CSNK2A2: variants seen among roughly 807,000 people sequenced by gnomAD.
CSNK2A2 encodes casein kinase II subunit alpha'.
CSNK2A2 carries 8 observed loss-of-function variants against 54.0 expected under a neutral mutation model. The ratio of observed to expected loss-of-function variants is 0.15; its 90% CI spans 0.09 to 0.27. The LOEUF (loss-of-function observed/expected upper bound fraction) is 0.27. Among genes scored for constraint, CSNK2A2 ranks in the 10% least tolerant of loss-of-function variants. The pLI is 1.00. For missense variants in CSNK2A2, 242 were observed against 439.4 expected (o/e 0.55, Z 4.02); for synonymous variants, 141 against 153.9 (o/e 0.92, Z 0.62).
Position 58,197,492 on chromosome 16 carries a change from T to A in CSNK2A2, c.104+141A>T. 1 of 465,020 alleles carries A rather than the reference T, an allele frequency of 2.2e-6. No individual in the cohort carries two copies. Among genetic ancestry groups the A allele is most frequent in the South Asian group, 2.4e-5 (1 of 42,014 alleles). 28.8% of individuals were successfully genotyped at this position (465,020 alleles called of 1,614,324 possible). The stretch of plus-strand genomic sequence containing the variant: ...GAGGGAAGAGGAAGACGAGGACATG[T>A]GCGAGAGCGGGACCTCTGCCTCCCT... On this transcript the variant is annotated intron_variant, in intron 1 of 11. Transcript: ENST00000262506. This position sits in a 1 kb window ranked among gnomAD's most constrained non-coding sequence, Gnocchi z 4.0.
chr16:58,164,011 TTTGG>T, intron 11 of CSNK2A2, 39 bp downstream of exon 11: 2 of 1,449,344 alleles, frequency 1.4e-6, no homozygotes, highest in Admixed American at 1.7e-5. Flanking sequence ...AAGGTTTGTG[TTTGG>T]TTGGTTGGTT....
At chr16:58,190,425 T>C (rs1044277415) in intron 2 of CSNK2A2, among the ~76,000 whole-genome samples, 1 of 152,074 alleles carries the variant, frequency 6.6e-6, no homozygotes, top group African/African-American at 2.4e-5. Flanking sequence ...TTGCCAAGAA[T>C]GTAGAAGGAC....
intron 2 of CSNK2A2, among the ~76,000 whole-genome samples, chr16:58,187,743 A>AAGTCATTGT (rs1236244425): frequency 2.0e-5 from 3 of 152,256 alleles, no homozygotes; most frequent in Admixed American, 2.0e-4. Context: ...ATTATTTAAT[A>AAGTCATTGT]AGTCATTGTG....
In CSNK2A2 at chr16:58,197,772, GGGT is replaced by G; in HGVS notation, c.-39_-37del. 1 of 757,070 alleles carries G rather than the reference GGGT, an allele frequency of 1.3e-6. No individual in the cohort carries two copies. Among genetic ancestry groups the G allele is most frequent in the Non-Finnish European group, 1.6e-6 (1 of 615,482 alleles). The allele number at this position is 757,070 out of a possible 1,614,324, so 46.9% of individuals were successfully genotyped here. A position where few individuals can be genotyped will look rare whatever the true frequency, so the allele number is the denominator to read the frequency against. On this transcript the variant is annotated 5_prime_UTR_variant, in exon 1 of 12. Transcript: ENST00000262506. This position sits in a 1 kb window ranked among gnomAD's most constrained non-coding sequence, Gnocchi z 4.0. ...ACCGGGGGGCGGCGCGGGGCGCAGA[GGGT>G]GGCGGCGGCGGCGCGGCGGGGGACG...
chr16:58,196,535 T>C (rs1381851292), intron 2 of CSNK2A2, among the ~76,000 whole-genome samples, 198 bp downstream of exon 2: 1 of 152,212 alleles, frequency 6.6e-6, no homozygotes, highest in African/African-American at 2.4e-5. Context: ...GATGGATCAC[T>C]GGAGCCCAGG....
At chr16:58,187,084 T>C (rs1465177397) in intron 2 of CSNK2A2, among the ~76,000 whole-genome samples, 1 of 151,828 alleles carries the variant, frequency 6.6e-6, no homozygotes, top group African/African-American at 2.4e-5. Flanking sequence ...TGTCAAGATC[T>C]TCTAAGTAGT....
chr16:58,196,568 T>C (rs1962456393), intron 2 of CSNK2A2, among the ~76,000 whole-genome samples, 165 bp downstream of exon 2: 1 of 152,176 alleles, frequency 6.6e-6, no homozygotes, highest in Non-Finnish European at 1.5e-5. Context: ...CAGTGAACTA[T>C]GATCTGCACT....
chr16:58,166,623 T>C lies in CSNK2A2; in HGVS notation c.788A>G (p.His263Arg). Residue 263 changes from histidine (H) to arginine (R), a missense_variant, in exon 9 of 12, where the codon CAC (histidine) becomes CGC (arginine). Around this residue, in one of 5 missense-constraint regions of CSNK2A2, gnomAD observed 81 missense variants for 135.0 expected, o/e 0.60. Coordinates refer to ENST00000262506, the MANE Select transcript of CSNK2A2 (RefSeq NM_001896.4). Reference protein sequence around the residue: ...EELYGYLKKYHIDLDPHFNDI... With the variant: ...EELYGYLKKYRIDLDPHFNDI... ...GTTGAAGTGTGGATCTAGGTCTATG[T>C]GATACTTCTTCAGATACCCATACAG... 1 of 1,612,620 alleles carries C rather than the reference T, an allele frequency of 6.2e-7. No individual in the cohort carries two copies. The highest frequency in any genetic ancestry group is 8.5e-7 in the Non-Finnish European group (1 of 1,179,160).
At chr16:58,173,844 C>T (rs917207048) in intron 5 of CSNK2A2, among the ~76,000 whole-genome samples, 2 of 152,162 alleles carry the variant, frequency 1.3e-5, no homozygotes, top group Admixed American at 6.5e-5. Flanking sequence ...TTGCTTTGGC[C>T]AATAGGGTTA....
At chr16:58,178,923 G>A (rs1193285949) in intron 4 of CSNK2A2, among the ~76,000 whole-genome samples, 2 of 152,116 alleles carry the variant, frequency 1.3e-5, no homozygotes, top group African/African-American at 4.8e-5. Context: ...TGAACATAGT[G>A]CAATCAAATT....
At chr16:58,180,322 A>C (rs1751499041) in intron 4 of CSNK2A2, among the ~76,000 whole-genome samples, 1 of 152,020 alleles carries the variant, frequency 6.6e-6, no homozygotes, top group Non-Finnish European at 1.5e-5. Flanking sequence ...GTAAAGGCAC[A>C]AATACTACTT....
intron 11 of CSNK2A2, chr16:58,162,365 T>TATGA (rs1961408668): frequency 6.6e-6 from 1 of 152,224 alleles, no homozygotes; most frequent in Non-Finnish European, 1.5e-5. Flanking sequence ...GCAGCATTGG[T>TATGA]ATGAGAACCT....
At chr16:58,167,866 AT>A in intron 6 of CSNK2A2, 71 bp from the exon 7 acceptor site, 1 of 1,114,870 alleles carries the variant, frequency 9.0e-7, no homozygotes, top group South Asian at 1.3e-5. Context: ...ACAAGGCCAC[AT>A]CACATTAGGT....
chr16:58,165,193 T>C (rs982969230), intron 10 of CSNK2A2, among the ~76,000 whole-genome samples: 14 of 152,214 alleles, frequency 9.2e-5, no homozygotes, highest in African/African-American at 3.4e-4. Context: ...ACAATAGTTA[T>C]CTTACTACTT....
At chr16:58,191,403 C>T (rs1962318232) in intron 2 of CSNK2A2, among the ~76,000 whole-genome samples, 1 of 151,936 alleles carries the variant, frequency 6.6e-6, no homozygotes, top group South Asian at 2.1e-4. Context: ...CTTTTGTTGC[C>T]CAGGCTGGAG....
chr16:58,184,411 C>T, intron 3 of CSNK2A2, 101 bp from the exon 4 acceptor site: 2 of 738,844 alleles, frequency 2.7e-6, no homozygotes, highest in Non-Finnish European at 4.6e-6. Flanking sequence ...TTAGGTAACA[C>T]AGGGATTCAC....
At chr16:58,165,755 A>G in intron 9 of CSNK2A2, 47 bp from the exon 10 acceptor site, 1 of 1,582,902 alleles carries the variant, frequency 6.3e-7, no homozygotes, top group South Asian at 1.2e-5. Flanking sequence ...AAATTCAACA[A>G]GAATCCTTAT....
chr16:58,179,720 A>C (rs544579385), intron 4 of CSNK2A2, among the ~76,000 whole-genome samples: 2 of 152,208 alleles, frequency 1.3e-5, no homozygotes, highest in African/African-American at 4.8e-5. Context: ...TGAGTTCCAT[A>C]ACCATGGGAT....
intron 2 of CSNK2A2, among the ~76,000 whole-genome samples, chr16:58,187,361 C>T (rs781581120): frequency 7.9e-5 from 12 of 152,030 alleles, no homozygotes; most frequent in Non-Finnish European, 1.3e-4. Context: ...TTCCTGTCAC[C>T]ACTCCCATTT....
Sources: gnomAD v4.1 joint callset for allele counts (sites outside exome capture counted in the v4.1 genomes callset) on GRCh38, gnomAD v4.1.1 for gene constraint, gnomAD v4.1.1 regional missense constraint, Gnocchi (gnomAD v3.1) non-coding constraint, MANE v1.5 for transcripts, NCBI Gene and HGNC (gene_info 2026-07-23, HGNC 2026-07-21) for gene names.